The following STT3B variants were observed in gnomAD, a reference collection of about 807,000 sequenced individuals.
The protein encoded by STT3B is dolichyl-diphosphooligosaccharide--protein glycosyltransferase subunit STT3B.
In STT3B, 29 loss-of-function variants were observed where a neutral mutation model predicts 96.8. That is an observed-to-expected ratio of 0.30 (90% CI 0.22 to 0.41). The LOEUF is 0.41. Among genes scored for constraint, STT3B ranks in the 10% least tolerant of loss-of-function variants. The pLI is 1.00. For synonymous variants in STT3B, 367 were observed against 360.0 expected (o/e 1.02, Z -0.22); for missense variants, 640 against 1,022.3 (o/e 0.63, Z 5.10).
chr3:31,546,217 T>C (rs1370693644), intron 1 of STT3B, among the ~76,000 whole-genome samples: 1 of 152,174 alleles, frequency 6.6e-6, no homozygotes, highest in Non-Finnish European at 1.5e-5. Flanking sequence ...CAAAACAGCA[T>C]TTTATTATTT....
chr3:31,635,836 G>T (rs927165247), intron 15 of STT3B, 148 bp from the exon 16 acceptor site: 5 of 545,940 alleles, frequency 9.2e-6, no homozygotes, highest in Admixed American at 3.7e-5. Flanking sequence ...CAGTTTAGTG[G>T]TGTTCACTGA....
At chr3:31,613,632 T>G (rs1699235080) in intron 5 of STT3B, among the ~76,000 whole-genome samples, 1 of 148,254 alleles carries the variant, frequency 6.7e-6, no homozygotes. Flanking sequence ...TTCTTCTCAG[T>G]TTTTAATTTT....
chr3:31,610,123 C>A (rs1699150280), intron 5 of STT3B, among the ~76,000 whole-genome samples: 1 of 152,010 alleles, frequency 6.6e-6, no homozygotes, highest in South Asian at 2.1e-4. Context: ...TTGTTTTATT[C>A]TTTAATCCAT....
rs770317151 is a variant in STT3B at position 31,533,035 on chromosome 3, T to G, written c.37T>G (p.Ser13Ala). 1 of 1,587,988 alleles carries G rather than the reference T, an allele frequency of 6.3e-7. No homozygotes were observed. The highest frequency in any genetic ancestry group is 1.7e-5 in the Admixed American group (1 of 58,420). The change falls in exon 1 of 16, where the codon TCG becomes GCG. Residue 13 changes from serine (S) to alanine (A), a missense_variant. Ser to Ala is a moderately conservative substitution (Grantham distance 99, BLOSUM62 1). Around this residue, in one of 8 missense-constraint regions of STT3B, gnomAD observed 89 missense variants for 81.7 expected, o/e 1.09. Transcript: ENST00000295770. ...EPSAPESKHK[S>A]SLNSSPWSGL... ...CTCGGCCCCGGAGAGCAAGCACAAG[T>G]CGTCCCTCAACTCGTCCCCGTGGAG...
intron 3 of STT3B, 93 bp downstream of exon 3, chr3:31,580,189 A>G (rs781426115): frequency 2.4e-6 from 3 of 1,246,436 alleles, no homozygotes; most frequent in African/African-American, 3.0e-5. Context: ...TTTACAAATT[A>G]TGTAGTTGCG....
rs1698107028 is a variant in STT3B, at chr3:31,570,301, TC to T, written c.315-6093del. ...GAACTGCCAGAAACTATGAGATAAC[TC>T]CAAGATACAAAAATTACTAAGAAAA... On this transcript the variant is annotated intron_variant, in intron 1 of 15. Transcript: ENST00000295770. Among the ~76,000 whole-genome samples, 7 of 152,104 alleles carry T rather than the reference TC, an allele frequency of 4.6e-5. No individual in the cohort carries two copies. In the South Asian group the frequency reaches 1.4e-3, roughly 31 times the overall value.
chr3:31,609,829 C>G (rs1699142005), intron 5 of STT3B, among the ~76,000 whole-genome samples: 1 of 152,020 alleles, frequency 6.6e-6, no homozygotes, highest in East Asian at 1.9e-4. Flanking sequence ...TCCCAAAGTT[C>G]TGGGATTACA....
chr3:31,573,543 T>A (rs774767031), intron 1 of STT3B, among the ~76,000 whole-genome samples: 5 of 152,298 alleles, frequency 3.3e-5, no homozygotes, highest in Non-Finnish European at 7.4e-5. Flanking sequence ...GAAGGAACTT[T>A]CAAAAATGAC....
At chr3:31,533,945 A>G (rs1451636325) in intron 1 of STT3B, among the ~76,000 whole-genome samples, 2 of 152,204 alleles carry the variant, frequency 1.3e-5, no homozygotes, top group African/African-American at 4.8e-5. Context: ...GGAGGGAAGG[A>G]AATAATACCC....
intron 5 of STT3B, among the ~76,000 whole-genome samples, chr3:31,601,085 CAAT>C (rs1182222306): frequency 3.3e-5 from 5 of 152,032 alleles, no homozygotes; most frequent in South Asian, 2.1e-4. Flanking sequence ...TTTTGGAAAA[CAAT>C]AACACAAAGA....
intron 5 of STT3B, among the ~76,000 whole-genome samples, chr3:31,608,657 A>G (rs1699111885): frequency 6.6e-6 from 1 of 152,230 alleles, no homozygotes; most frequent in South Asian, 2.1e-4. Flanking sequence ...ATTATCTAGA[A>G]GAATAGACCT....
At chr3:31,542,451 G>T (rs375663885) in intron 1 of STT3B, among the ~76,000 whole-genome samples, 23 of 151,582 alleles carry the variant, frequency 1.5e-4, no homozygotes, top group Admixed American at 7.2e-4. Context: ...TGCATATATT[G>T]CATTTCTGTC....
intron 13 of STT3B, among the ~76,000 whole-genome samples, chr3:31,626,733 A>G (rs1699546604): frequency 6.6e-6 from 1 of 152,216 alleles, no homozygotes; most frequent in Non-Finnish European, 1.5e-5. Context: ...TTTGCCAAAA[A>G]TAACTAATTT....
chr3:31,576,064 C>T (rs962045065), intron 1 of STT3B, among the ~76,000 whole-genome samples: 1 of 151,742 alleles, frequency 6.6e-6, no homozygotes, highest in African/African-American at 2.4e-5. Flanking sequence ...GTGAGTGTAC[C>T]GTTTCTTCCA....
chr3:31,555,068 A>C (rs1697670834), intron 1 of STT3B, among the ~76,000 whole-genome samples: 3 of 152,140 alleles, frequency 2.0e-5, no homozygotes, highest in African/African-American at 7.2e-5. Flanking sequence ...GACATATAAG[A>C]ATGATGAAAA....
intron 8 of STT3B, 88 bp from the exon 9 acceptor site, chr3:31,619,588 T>G: frequency 8.6e-7 from 1 of 1,158,914 alleles, no homozygotes; most frequent in Non-Finnish European, 1.2e-6. Flanking sequence ...GTAGGTACCA[T>G]TTCTACAACC....
chr3:31,571,418 T>C (rs1698132668), intron 1 of STT3B, among the ~76,000 whole-genome samples: 1 of 152,004 alleles, frequency 6.6e-6, no homozygotes, highest in Admixed American at 6.6e-5. Context: ...TCTAGGAAAA[T>C]GAATTATAGT....
chr3:31,604,636 A>G (rs1464143992), intron 5 of STT3B, among the ~76,000 whole-genome samples: 1 of 152,240 alleles, frequency 6.6e-6, no homozygotes, highest in Non-Finnish European at 1.5e-5. Flanking sequence ...TAAGGAGTGT[A>G]TATTATACAG....
intron 1 of STT3B, among the ~76,000 whole-genome samples, chr3:31,534,380 GC>G (rs892383216): frequency 6.6e-6 from 1 of 152,004 alleles, no homozygotes; most frequent in Non-Finnish European, 1.5e-5. Context: ...TTCGCAACTT[GC>G]CCAACCCGAG....
Sources: gnomAD v4.1 joint callset for allele counts (sites outside exome capture counted in the v4.1 genomes callset) on GRCh38, gnomAD v4.1.1 for gene constraint, gnomAD v4.1.1 regional missense constraint, MANE v1.5 for transcripts, NCBI Gene and HGNC (gene_info 2026-07-23, HGNC 2026-07-21) for gene names.